Variants in PBRM1 observed in about 807,000 individuals in gnomAD.
PBRM1 encodes protein polybromo-1.
A neutral mutation model predicts 194.5 loss-of-function variants in PBRM1; 27 were observed. The ratio of observed to expected loss-of-function variants is 0.14; its 90% CI spans 0.10 to 0.19. The LOEUF is 0.19. Ranked by LOEUF, PBRM1 falls within the 10% of genes least tolerant of loss-of-function variation. The pLI is 1.00. For synonymous variants in PBRM1, 655 were observed against 693.2 expected (o/e 0.94, Z 0.87); for missense variants, 1,466 against 2,077.2 (o/e 0.71, Z 5.72).
Position 52,678,369 on chromosome 3 carries a change from A to G in PBRM1, c.236+131T>C. On this transcript the variant is annotated intron_variant, in intron 2 of 29. Coordinates refer to ENST00000296302, the Ensembl canonical transcript of PBRM1. ...CACTACAGCTTGATTACTAAAGACT[A>G]AAGACTAAAATTGGACCCCAGTATC... 4 of 598,868 alleles carry G rather than the reference A, an allele frequency of 6.7e-6. No homozygotes were observed. In the Admixed American group the frequency reaches 9.0e-5, roughly 14 times the overall value. 37.1% of individuals were successfully genotyped at this position (598,868 alleles called of 1,614,324 possible).
At chr3:52,674,067 T>C (rs950371759) in intron 2 of PBRM1, among the ~76,000 whole-genome samples, 1 of 150,834 alleles carries the variant, frequency 6.6e-6, no homozygotes, top group Non-Finnish European at 1.5e-5. Flanking sequence ...AAAATATATA[T>C]ATAGATATAT....
At chr3:52,632,554 T>C (rs1372590455) in intron 11 of PBRM1, among the ~76,000 whole-genome samples, 3 of 152,152 alleles carry the variant, frequency 2.0e-5, no homozygotes, top group African/African-American at 7.2e-5. Flanking sequence ...GCAGAGACCC[T>C]GTCTCTTTAA....
chr3:52,572,855 C>T, intron 22 of PBRM1, among the ~76,000 whole-genome samples: 1 of 152,100 alleles, frequency 6.6e-6, no homozygotes. Flanking sequence ...ATATGATTTA[C>T]ATTTAATAGT....
At chr3:52,583,307 G>A (rs1186838446) in intron 20 of PBRM1, among the ~76,000 whole-genome samples, 4 of 151,428 alleles carry the variant, frequency 2.6e-5, no homozygotes, top group Non-Finnish European at 5.9e-5. Context: ...CCACTCAGGA[G>A]GGTGAGGCAG....
intron 10 of PBRM1, among the ~76,000 whole-genome samples, chr3:52,640,615 ATGTGTCTCT>A (rs2096037999): frequency 6.6e-6 from 1 of 150,822 alleles, no homozygotes; most frequent in Non-Finnish European, 1.5e-5. Flanking sequence ...TTTATATTTG[ATGTGTCTCT>A]TGTAACCAGC....
intron 15 of PBRM1, among the ~76,000 whole-genome samples, chr3:52,611,675 T>C (rs72965181): frequency 0.073 from 11,102 of 151,902 alleles, 959 homozygotes; most frequent in African/African-American, 0.21. Context: ...CGTGGTGGCG[T>C]GTACCTGTAG....
rs151219622 is a variant in PBRM1 at position 52,641,186 on chromosome 3, G to A, written c.1087+768C>T. 1.3e-4 allele frequency among the ~76,000 whole-genome samples: 19 copies of A among 151,910 alleles called. No individual in the cohort carries two copies. The East Asian group carries it at 2.3e-3, about 19-fold the overall frequency. The stretch of plus-strand genomic sequence containing the variant: ...TTCAATAATAAAATTGAGGCCAGGC[G>A]TGGTGTAATCCCAGCACATTCGGAG... On this transcript the variant is annotated intron_variant, in intron 10 of 29. Transcript: ENST00000296302.
chr3:52,614,095 A>C (rs748097662), intron 15 of PBRM1, among the ~76,000 whole-genome samples: 1 of 152,132 alleles, frequency 6.6e-6, no homozygotes, highest in Non-Finnish European at 1.5e-5. Flanking sequence ...AGTCTGGGCC[A>C]GGCGGGGTGG....
intron 26 of PBRM1, among the ~76,000 whole-genome samples, chr3:52,555,340 G>A (rs959939183): frequency 6.6e-6 from 1 of 152,130 alleles, no homozygotes; most frequent in African/African-American, 2.4e-5. Context: ...GGAAATGAGC[G>A]CATAGTCCTG....
chr3:52,651,523 CT>C (rs2096492928), intron 6 of PBRM1, among the ~76,000 whole-genome samples: 1 of 152,134 alleles, frequency 6.6e-6, no homozygotes, highest in South Asian at 2.1e-4. Flanking sequence ...ACAAATGTAT[CT>C]TTTATAATCA....
chr3:52,570,266 C>T (rs942284025), intron 22 of PBRM1, among the ~76,000 whole-genome samples: 2 of 152,252 alleles, frequency 1.3e-5, no homozygotes, highest in Admixed American at 6.5e-5. Context: ...CATGAGCCAT[C>T]GCACCCAGCC....
At chr3:52,651,387 C>G (rs2096488775) in intron 6 of PBRM1, among the ~76,000 whole-genome samples, 2 of 152,144 alleles carry the variant, frequency 1.3e-5, no homozygotes, top group Admixed American at 6.5e-5. Context: ...CCCCATCTAC[C>G]CTGATGTGAT....
intron 5 of PBRM1, among the ~76,000 whole-genome samples, chr3:52,652,490 C>T (rs1301681423): frequency 1.3e-5 from 2 of 148,368 alleles, no homozygotes; most frequent in Non-Finnish European, 3.0e-5. Flanking sequence ...AGATTGAGAC[C>T]ATCCTGGCTA....
chr3:52,668,534 G>A, exon 3 of PBRM1: 1 of 1,605,414 alleles, frequency 6.2e-7, no homozygotes, highest in Non-Finnish European at 8.5e-7. Flanking sequence ...AAAGAAGCTG[G>A]AAGTCAGCAG....
intron 16 of PBRM1, among the ~76,000 whole-genome samples, chr3:52,605,838 G>C (rs2094316893): frequency 6.6e-6 from 1 of 151,966 alleles, no homozygotes; most frequent in Non-Finnish European, 1.5e-5. Flanking sequence ...CCTGACCTCA[G>C]GTGATCCGCC....
chr3:52,567,565 C>CAAAAAAAAA (rs10644120), intron 22 of PBRM1, among the ~76,000 whole-genome samples: 37 of 90,488 alleles, frequency 4.1e-4, no homozygotes, highest in Middle Eastern at 5.6e-3. Context: ...TAGGTAATCT[C>CAAAAAAAAA]AAAAAAAAAA....
intron 2 of PBRM1, among the ~76,000 whole-genome samples, chr3:52,676,591 G>A (rs948834857): frequency 1.3e-5 from 2 of 152,136 alleles, no homozygotes; most frequent in African/African-American, 4.8e-5. Flanking sequence ...TTTATCAGCA[G>A]TGTGAAAACC....
chr3:52,571,856 C>CAAAAAAAAAAAAAA lies in PBRM1; in HGVS notation c.3691+4671_3691+4684dup, dbSNP rs58430288. On this transcript the variant is annotated intron_variant, in intron 22 of 29. Coordinates refer to ENST00000296302, the Ensembl canonical transcript of PBRM1. ...GAGCAAGAGGGATACCTCATCTCCC[C>CAAAAAAAAAAAAAA]AAAAAAAAAAAAAAAAAAAAAAAAA... is the stretch of plus-strand genomic sequence containing the variant. 5.4e-4 allele frequency among the ~76,000 whole-genome samples: 20 copies of CAAAAAAAAAAAAAA among 37,092 alleles called. 7 individuals are homozygous for CAAAAAAAAAAAAAA. The highest frequency in any genetic ancestry group is 1.9e-3 in the African/African-American group (17 of 8,724). 24.3% of individuals were successfully genotyped at this position (37,092 alleles called of 152,430 possible). A position where few individuals can be genotyped will look rare whatever the true frequency, so the allele number is the denominator to read the frequency against.
At chr3:52,645,118 G>A (rs2096250521) in intron 7 of PBRM1, among the ~76,000 whole-genome samples, 1 of 152,192 alleles carries the variant, frequency 6.6e-6, no homozygotes, top group South Asian at 2.1e-4. Flanking sequence ...GTGGATGCCT[G>A]AAACCTTGAA....
Sources: gnomAD v4.1 joint callset for allele counts (sites outside exome capture counted in the v4.1 genomes callset) on GRCh38, gnomAD v4.1.1 for gene constraint, MANE v1.5 for transcripts, NCBI Gene and HGNC (gene_info 2026-07-23, HGNC 2026-07-21) for gene names.